Variants in PPARGC1B observed in about 807,000 individuals in gnomAD.
PPARGC1B encodes the protein peroxisome proliferator-activated receptor gamma coactivator 1-beta.
Under a neutral mutation model 101.6 loss-of-function variants are expected in PPARGC1B, and 34 were observed. The ratio of observed to expected loss-of-function variants is 0.33; its 90% confidence interval spans 0.25 to 0.45. PPARGC1B has a LOEUF of 0.45. Among genes scored for constraint, PPARGC1B ranks in the 20% least tolerant of loss-of-function variants. The probability of loss-of-function intolerance (pLI) is 1.00; values close to 1 mark genes in which losing one functional copy is unlikely to be tolerated. For missense variants in PPARGC1B, 1,234 were observed against 1,317.6 expected (o/e 0.94, Z 0.98); for synonymous variants, 548 against 539.3 (o/e 1.02, Z -0.22).
chr5:149,747,651 C>T (rs1228812262), intron 1 of PPARGC1B, among the ~76,000 whole-genome samples: 1 of 152,198 alleles, frequency 6.6e-6, no homozygotes, highest in Non-Finnish European at 1.5e-5. Flanking sequence ...AGGTACCTGC[C>T]CAGCAGCGCC....
chr5:149,808,750 G>T (rs189661587), intron 1 of PPARGC1B, among the ~76,000 whole-genome samples: 4 of 152,212 alleles, frequency 2.6e-5, no homozygotes, highest in Admixed American at 6.5e-5. Context: ...TTTCTTGAAC[G>T]CATGTTTATT....
intron 1 of PPARGC1B, among the ~76,000 whole-genome samples, chr5:149,767,119 A>G (rs1755938293): frequency 6.6e-6 from 1 of 152,154 alleles, no homozygotes; most frequent in South Asian, 2.1e-4. Context: ...AGAAAACAAC[A>G]GTCCTCTTTC....
chr5:149,741,308 A>G (rs924081653), intron 1 of PPARGC1B, among the ~76,000 whole-genome samples: 5 of 152,214 alleles, frequency 3.3e-5, no homozygotes, highest in African/African-American at 4.8e-5. Context: ...AGCCTTGGCA[A>G]CGTGGCTGCT....
chr5:149,833,651 G>A lies in PPARGC1B; in HGVS notation c.1578G>A (p.Thr526=), dbSNP rs373369580. 2.6e-5 allele frequency: 42 copies of A among 1,609,910 alleles called. No homozygotes were observed. Among genetic ancestry groups the A allele is most frequent in the East Asian group, 4.5e-5 (2 of 44,708 alleles). The change falls in exon 5 of 12, where the codon ACG becomes ACA. Residue 526 remains threonine (T), a synonymous_variant. Coordinates refer to ENST00000309241, the MANE Select transcript of PPARGC1B (RefSeq NM_133263.4). This position sits in a 1 kb window ranked among gnomAD's most constrained non-coding sequence, Gnocchi z 4.1. The part of the protein sequence containing the change: ...YDVERELGSP[T]DEDSGQDQQL... ...TAGAGCGGGAGCTGGGCAGCCCCAC[G>A]GACGAGGACAGTGGCCAAGACCAGC... is the stretch of plus-strand genomic sequence containing the variant.
At chr5:149,759,927 A>C (rs1755661382) in intron 1 of PPARGC1B, among the ~76,000 whole-genome samples, 1 of 152,186 alleles carries the variant, frequency 6.6e-6, no homozygotes, top group South Asian at 2.1e-4. Context: ...AGGCTTTTCC[A>C]CTGCATCTTC....
chr5:149,735,167 C>G (rs1037783041), intron 1 of PPARGC1B, among the ~76,000 whole-genome samples: 3 of 152,172 alleles, frequency 2.0e-5, no homozygotes, highest in Admixed American at 6.5e-5. Context: ...TTCACCTGAG[C>G]CAGAAGGGGT....
At chr5:149,800,590 T>G (rs913046994) in intron 1 of PPARGC1B, among the ~76,000 whole-genome samples, 1 of 152,234 alleles carries the variant, frequency 6.6e-6, no homozygotes, top group Non-Finnish European at 1.5e-5. Context: ...CCTTTGGGAC[T>G]GTTAGGCACT....
chr5:149,765,502 A>T (rs774573095), intron 1 of PPARGC1B, among the ~76,000 whole-genome samples: 3 of 152,142 alleles, frequency 2.0e-5, no homozygotes, highest in Non-Finnish European at 4.4e-5. Flanking sequence ...TGTGAGGTCG[A>T]TGGCTGTAAA....
At chr5:149,753,152 G>C (rs543212496) in intron 1 of PPARGC1B, among the ~76,000 whole-genome samples, 1 of 152,274 alleles carries the variant, frequency 6.6e-6, no homozygotes, top group Admixed American at 6.5e-5. Flanking sequence ...CTGCTTCACT[G>C]TTTGGATTGA....
In PPARGC1B at chr5:149,837,088, C is replaced by T; in HGVS notation, c.2618+15C>T. 6.3e-7 allele frequency: 1 copy of T among 1,588,652 alleles called. No individual in the cohort carries two copies. The highest frequency in any genetic ancestry group is 8.6e-7 in the Non-Finnish European group (1 of 1,164,644). ...AGGAACTTCAGGTATGAACAGGGGG[C>T]TGCAGGAGAGGCAGCGGGCAGTGGA... On this transcript the variant is annotated intron_variant, in intron 8 of 11. Transcript: ENST00000309241. This position sits in a 1 kb window ranked among gnomAD's most constrained non-coding sequence, Gnocchi z 4.2.
chr5:149,829,503 A>G (rs370933395), intron 3 of PPARGC1B, among the ~76,000 whole-genome samples: 1 of 152,074 alleles, frequency 6.6e-6, no homozygotes, highest in South Asian at 2.1e-4. Context: ...TTGGGGTGGC[A>G]TGTTCCCCAG....
chr5:149,833,608 C>T lies in PPARGC1B; in HGVS notation c.1535C>T (p.Ala512Val), dbSNP rs373251725. The T allele has an allele frequency of 1.4e-5, 22 of 1,607,844 alleles. No homozygotes were observed. The highest frequency in any genetic ancestry group is 1.7e-5 in the Non-Finnish European group (20 of 1,177,494). Reference sequence around the variant, plus strand: ...GGTGCTCTGCCCTCACTGTGCCTGGCTCCCAAGGCCTACGACGTAGAGCGG... The same window carrying T: ...GGTGCTCTGCCCTCACTGTGCCTGGTTCCCAAGGCCTACGACGTAGAGCGG... Reference protein sequence around the residue: ...PQGALPSLCLAPKAYDVEREL... With the variant: ...PQGALPSLCLVPKAYDVEREL... The change falls in exon 5 of 12, where the codon GCT becomes GTT. Residue 512 changes from alanine to valine, a missense_variant. This residue lies in a region of PPARGC1B where 734 missense variants were observed against 768.4 expected (regional missense o/e 0.96). Coordinates refer to ENST00000309241, the MANE Select transcript of PPARGC1B (RefSeq NM_133263.4). The surrounding 1 kb of genome is among the most constrained non-coding windows in gnomAD (Gnocchi z 4.1).
At chr5:149,806,444 A>C (rs1287715314) in intron 1 of PPARGC1B, among the ~76,000 whole-genome samples, 2 of 152,100 alleles carry the variant, frequency 1.3e-5, no homozygotes, top group African/African-American at 4.8e-5. Context: ...TGTTTACAAG[A>C]AAAAGGGCTT....
intron 1 of PPARGC1B, among the ~76,000 whole-genome samples, chr5:149,806,826 C>G (rs575533755): frequency 6.6e-6 from 1 of 151,926 alleles, no homozygotes; most frequent in Non-Finnish European, 1.5e-5. Context: ...CAGCTGCTCT[C>G]GAACTCCTGT....
At chr5:149,855,527 A>G (rs1348896024), downstream of PPARGC1B, among the ~76,000 whole-genome samples, 1 of 152,176 alleles carries the variant, frequency 6.6e-6, no homozygotes, top group East Asian at 1.9e-4. Flanking sequence ...AACACTCATC[A>G]ATTTGTAATT....
intron 1 of PPARGC1B, among the ~76,000 whole-genome samples, chr5:149,750,753 C>T (rs970993997): frequency 6.6e-6 from 1 of 152,130 alleles, no homozygotes; most frequent in Non-Finnish European, 1.5e-5. Flanking sequence ...CAAAGCCATC[C>T]GATTATCTCT....
intron 9 of PPARGC1B, among the ~76,000 whole-genome samples, chr5:149,840,940 G>T (rs1759310261): frequency 6.6e-6 from 1 of 152,160 alleles, no homozygotes; most frequent in Admixed American, 6.5e-5. Flanking sequence ...ACCGTGGACT[G>T]TGCATGGAGC....
At position 149,837,822 on chromosome 5, in the gene PPARGC1B, A is replaced by T. The variant is rs1460216987; in HGVS notation, c.2618+749A>T. On this transcript the variant is annotated intron_variant, in intron 8 of 11. Coordinates refer to ENST00000309241, the MANE Select transcript of PPARGC1B (RefSeq NM_133263.4). The surrounding 1 kb of genome is among the most constrained non-coding windows in gnomAD (Gnocchi z 4.2). ...GGAAGGCTTGAGGACAGTCAGTGTCATCATCCCCAGCCCTGTGTTGAGGTG... is the reference window on the plus strand; with the variant it reads ...GGAAGGCTTGAGGACAGTCAGTGTCTTCATCCCCAGCCCTGTGTTGAGGTG... Among the ~76,000 whole-genome samples the T allele has an allele frequency of 2.2e-4, 34 of 152,180 alleles. No homozygotes were observed. Among genetic ancestry groups the T allele is most frequent in the Admixed American group, 2.2e-3 (34 of 15,270 alleles).
intron 1 of PPARGC1B, among the ~76,000 whole-genome samples, chr5:149,787,542 A>T (rs965556522): frequency 1.3e-5 from 2 of 152,250 alleles, no homozygotes; most frequent in African/African-American, 4.8e-5. Context: ...TGACCTGCTG[A>T]TGTAAAATTA....
Sources: allele counts gnomAD v4.1 joint callset (sites outside exome capture counted in the v4.1 genomes callset), GRCh38; gene constraint gnomAD v4.1.1; regional missense constraint gnomAD v4.1.1; non-coding constraint Gnocchi (gnomAD v3.1); transcripts MANE v1.5; gene names NCBI Gene and HGNC (gene_info 2026-07-23, HGNC 2026-07-21).